The following SYPL1 variants were observed in gnomAD, a reference collection of about 807,000 sequenced individuals.
SYPL1 encodes the protein synaptophysin-like protein 1.
In SYPL1, 6 loss-of-function variants were observed where a neutral mutation model predicts 23.7. The ratio of observed to expected loss-of-function variants is 0.25; its 90% CI spans 0.14 to 0.50. The LOEUF (loss-of-function observed/expected upper bound fraction) is 0.50, where lower values mean the gene tolerates loss of function less well. Ranked by LOEUF, SYPL1 falls within the 20% of genes least tolerant of loss-of-function variation. SYPL1 has a pLI of 0.98. For synonymous variants in SYPL1, 102 were observed against 104.5 expected (o/e 0.98, Z 0.15); for missense variants, 253 against 288.9 (o/e 0.88, Z 0.90).
rs879650778 is a variant in SYPL1 at position 106,109,041 on chromosome 7, A to C, written c.69+3099T>G. ...TGCAGTTAAAAACAAAAAACCAAAA[A>C]CAAAAAAGAACAAAAAACCCCCACC... On this transcript the variant is annotated intron_variant, in intron 1 of 4. Coordinates refer to ENST00000455385, the MANE Select transcript of SYPL1 (RefSeq NM_182715.4). This position sits in a 1 kb window ranked among gnomAD's most constrained non-coding sequence, Gnocchi z 4.3. 8.5e-5 allele frequency among the ~76,000 whole-genome samples: 13 copies of C among 152,204 alleles called. No individual in the cohort carries two copies. The highest frequency in any genetic ancestry group is 2.0e-4 in the Admixed American group (3 of 15,282).
rs1839678858 is a variant in SYPL1 at position 106,090,578 on chromosome 7, T to A, written c.*1227A>T. On this transcript the variant is annotated 3_prime_UTR_variant, in exon 5 of 5. Transcript: ENST00000455385. ...TTATATTGACAATTCTTGTCATGAATAAAAGCATCAAAAATAAGGCAACAG... is the reference window on the plus strand; with the variant it reads ...TTATATTGACAATTCTTGTCATGAAAAAAAGCATCAAAAATAAGGCAACAG... The A allele has an allele frequency of 6.6e-6, 1 of 152,640 alleles. No homozygotes were observed. Among genetic ancestry groups the A allele is most frequent in the Admixed American group, 6.5e-5 (1 of 15,278 alleles). 9.5% of individuals were successfully genotyped at this position (152,640 alleles called of 1,614,324 possible). A position where few individuals can be genotyped will look rare whatever the true frequency, so the allele number is the denominator to read the frequency against.
chr7:106,101,895 T>G (rs1162943479), intron 1 of SYPL1, among the ~76,000 whole-genome samples: 2 of 152,060 alleles, frequency 1.3e-5, no homozygotes, highest in African/African-American at 4.8e-5. Context: ...AGTTGATTTG[T>G]AGATCACGGA....
intron 3 of SYPL1, 149 bp from the exon 4 acceptor site, chr7:106,093,286 A>G (rs1839852877): frequency 1.5e-6 from 1 of 667,640 alleles, no homozygotes; most frequent in Non-Finnish European, 2.4e-6. Context: ...GTCAGTCAGC[A>G]TAGTAAACAT....
chr7:106,110,747 T>C (rs1479578360), intron 1 of SYPL1, among the ~76,000 whole-genome samples: 1 of 140,728 alleles, frequency 7.1e-6, no homozygotes, highest in Non-Finnish European at 1.6e-5. Flanking sequence ...AAGCTAAGTC[T>C]ACAGTTGTTT....
In SYPL1 at chr7:106,109,982, G is replaced by C. The variant is rs1455119496; in HGVS notation, c.69+2158C>G. 6.6e-6 allele frequency among the ~76,000 whole-genome samples: 1 copy of C among 152,142 alleles called. No individual in the cohort carries two copies. The highest frequency in any genetic ancestry group is 1.9e-4 in the East Asian group (1 of 5,170). ...TGGAGGGAGAAATCGATTGATTGAG[G>C]AATTATGAGTGCCTAAAATTAGTCG... On this transcript the variant is annotated intron_variant, in intron 1 of 4. Transcript: ENST00000455385. The surrounding 1 kb of genome is among the most constrained non-coding windows in gnomAD (Gnocchi z 4.3).
rs769929278 is a variant in SYPL1 at position 106,094,874 on chromosome 7, C to A, written c.403-1737G>T. ...CAGGAACTTTTCTGAAAATGATGCACAAAGTAACCTAGGTTGAAGGAACGT... is the reference window on the plus strand; with the variant it reads ...CAGGAACTTTTCTGAAAATGATGCAAAAAGTAACCTAGGTTGAAGGAACGT... On this transcript the variant is annotated intron_variant, in intron 3 of 4. Coordinates refer to ENST00000455385, the MANE Select transcript of SYPL1 (RefSeq NM_182715.4). Among the ~76,000 whole-genome samples the A allele has an allele frequency of 6.1e-4, 93 of 152,098 alleles. 3 individuals carry two copies. The highest frequency in any genetic ancestry group is 1.8e-4 in the Non-Finnish European group (12 of 67,988).
chr7:106,101,173 T>A (rs1840290433), intron 1 of SYPL1, among the ~76,000 whole-genome samples: 1 of 152,202 alleles, frequency 6.6e-6, no homozygotes, highest in Admixed American at 6.5e-5. Flanking sequence ...ATTTCTGCTC[T>A]GTTCTAATTA....
Position 106,097,726 on chromosome 7 carries a change from C to T in SYPL1, c.366G>A (p.Thr122=), listed in dbSNP as rs1206762883. Residue 122 remains threonine (T), a synonymous_variant, in exon 3 of 5, where the codon ACG becomes ACA. Transcript: ENST00000455385. This position sits in a 1 kb window ranked among gnomAD's most constrained non-coding sequence, Gnocchi z 4.6. ...GTTTACGACTATCCAGATACAGACT[C>T]GTGTAGCCAACATAAAGCAGAAGGG... is the stretch of plus-strand genomic sequence containing the variant. The part of the protein sequence containing the change: ...IAALLLYVGY[T]SLYLDSRKLP... The T allele has an allele frequency of 4.3e-6, 7 of 1,613,772 alleles. No homozygotes were observed. Among genetic ancestry groups the T allele is most frequent in the Non-Finnish European group, 5.1e-6 (6 of 1,179,830 alleles).
At chr7:106,094,552 G>A (rs1406331336) in intron 3 of SYPL1, among the ~76,000 whole-genome samples, 1 of 152,144 alleles carries the variant, frequency 6.6e-6, no homozygotes, top group Non-Finnish European at 1.5e-5. Flanking sequence ...TATATTTTCT[G>A]CACTGTGGAA....
At chr7:106,093,188 A>G (rs763673328) in intron 3 of SYPL1, 51 bp from the exon 4 acceptor site, 2 of 1,442,308 alleles carry the variant, frequency 1.4e-6, no homozygotes, top group African/African-American at 1.4e-5. Flanking sequence ...TTTTAATACT[A>G]AATTTCAAAT....
intron 1 of SYPL1, among the ~76,000 whole-genome samples, chr7:106,102,389 C>A (rs565920157): frequency 4.9e-4 from 74 of 152,346 alleles, no homozygotes; most frequent in Non-Finnish European, 9.0e-4. Flanking sequence ...AACCACAACG[C>A]CCGGCCAAAG....
Position 106,099,292 on chromosome 7 carries a change from G to C in SYPL1, c.70-10C>G. ...CAAAGATAGAAGCAATCTACACAAA[G>C]TAAGATGAAAAAAGACAAAAGAAAA... is the stretch of plus-strand genomic sequence containing the variant. On this transcript the variant is annotated splice_polypyrimidine_tract_variant and intron_variant, in intron 1 of 4. Coordinates refer to ENST00000455385, the MANE Select transcript of SYPL1 (RefSeq NM_182715.4). 6.3e-7 allele frequency: 1 copy of C among 1,594,318 alleles called. No individual in the cohort carries two copies. Among genetic ancestry groups the C allele is most frequent in the Non-Finnish European group, 8.5e-7 (1 of 1,174,986 alleles).
chr7:106,112,569 T>G (rs1414897915), upstream of SYPL1: 4 of 1,487,140 alleles, frequency 2.7e-6, no homozygotes, highest in Non-Finnish European at 2.7e-6. Flanking sequence ...GTTCAGCCCC[T>G]GGCACTCGGT....
Position 106,091,300 on chromosome 7 carries a change from AT to A in SYPL1, c.*504del, listed in dbSNP as rs1420982178. ...ACCTAGTCTTTGCAATTAAAAAAAA[AT>A]CATAACATAAACAATGTTAGATATA... is the stretch of plus-strand genomic sequence containing the variant. On this transcript the variant is annotated 3_prime_UTR_variant, in exon 5 of 5. Coordinates refer to ENST00000455385, the MANE Select transcript of SYPL1 (RefSeq NM_182715.4). This position sits in a 1 kb window ranked among gnomAD's most constrained non-coding sequence, Gnocchi z 5.0. The A allele has an allele frequency of 6.6e-6, 1 of 152,572 alleles. No homozygotes were observed. Among genetic ancestry groups the A allele is most frequent in the African/African-American group, 2.4e-5 (1 of 41,478 alleles). 9.5% of individuals were successfully genotyped at this position (152,572 alleles called of 1,614,324 possible). A position where few individuals can be genotyped will look rare whatever the true frequency, so the allele number is the denominator to read the frequency against.
chr7:106,096,558 G>A lies in SYPL1; in HGVS notation c.402+1132C>T, dbSNP rs117488628. 6.3e-3 allele frequency among the ~76,000 whole-genome samples: 952 copies of A among 152,192 alleles called. 5 individuals are homozygous for A. Among genetic ancestry groups the A allele is most frequent in the Middle Eastern group, 0.017 (5 of 294 alleles). ...AGCTTAAAACCATGATTTCTCTCTG[G>A]ATTTGCCACCAATAATCCAGGGCAG... On this transcript the variant is annotated intron_variant, in intron 3 of 4. Coordinates refer to ENST00000455385, the MANE Select transcript of SYPL1 (RefSeq NM_182715.4). The surrounding 1 kb of genome is among the most constrained non-coding windows in gnomAD (Gnocchi z 4.4).
chr7:106,101,235 T>C (rs920592515), intron 1 of SYPL1, among the ~76,000 whole-genome samples: 2 of 152,218 alleles, frequency 1.3e-5, no homozygotes, highest in Non-Finnish European at 2.9e-5. Flanking sequence ...GAATAGAAAC[T>C]TGAAGAGGTC....
At chr7:106,098,252 A>G (rs181402905) in intron 2 of SYPL1, among the ~76,000 whole-genome samples, 1 of 152,344 alleles carries the variant, frequency 6.6e-6, no homozygotes, top group East Asian at 1.9e-4. Flanking sequence ...GACTAGCCCC[A>G]AGAGAGCCAA....
At position 106,091,919 on chromosome 7, in the gene SYPL1, C is replaced by T; in HGVS notation, c.612G>A (p.Met204Ile). 1 of 1,611,512 alleles carries T rather than the reference C, an allele frequency of 6.2e-7. No homozygotes were observed. Among genetic ancestry groups the T allele is most frequent in the Non-Finnish European group, 8.5e-7 (1 of 1,179,192 alleles). The change falls in exon 5 of 5, where the codon ATG (methionine) becomes ATA (isoleucine). Residue 204 changes from methionine to isoleucine, a missense_variant. Met to Ile is a conservative substitution (Grantham distance 10). Coordinates refer to ENST00000455385, the MANE Select transcript of SYPL1 (RefSeq NM_182715.4). This position sits in a 1 kb window ranked among gnomAD's most constrained non-coding sequence, Gnocchi z 5.0. ...NVSVIFGFLN[M>I]ILWGGNAWFV... is the part of the protein sequence containing the mutation. ...ACCAAGCATTTCCTCCCCAGAGTAT[C>T]ATATTTAGAAAGCCAAATATCTATG... is the stretch of plus-strand genomic sequence containing the variant.
At chr7:106,103,680 A>C (rs1840441062) in intron 1 of SYPL1, among the ~76,000 whole-genome samples, 1 of 152,254 alleles carries the variant, frequency 6.6e-6, no homozygotes, top group Admixed American at 6.5e-5. Context: ...AGATTGGGTT[A>C]AGTAAAATAT....
Sources: allele counts gnomAD v4.1 joint callset (sites outside exome capture counted in the v4.1 genomes callset), GRCh38; gene constraint gnomAD v4.1.1; non-coding constraint Gnocchi (gnomAD v3.1); transcripts MANE v1.5; gene names NCBI Gene and HGNC (gene_info 2026-07-23, HGNC 2026-07-21).